EIF2B3: variants seen among roughly 807,000 people sequenced by gnomAD.
EIF2B3 encodes the protein translation initiation factor eIF2B subunit gamma.
Under a neutral mutation model 54.1 loss-of-function variants are expected in EIF2B3, and 20 were observed. The observed-to-expected ratio is 0.37, with a 90% CI of 0.26 to 0.54. The LOEUF (loss-of-function observed/expected upper bound fraction) is 0.54, where lower values mean the gene tolerates loss of function less well. Ranked by LOEUF, EIF2B3 falls within the 20% of genes least tolerant of loss-of-function variation. The pLI, the probability that EIF2B3 is intolerant of heterozygous loss-of-function variation, is 0.86. For missense variants in EIF2B3, 448 were observed against 547.8 expected, an observed-to-expected ratio of 0.82 and a Z score of 1.82; for synonymous variants, 153 against 188.1, an observed-to-expected ratio of 0.81 and a Z score of 1.52.
chr1:44,928,740 GATTATA>G, intron 4 of EIF2B3, among the ~76,000 whole-genome samples: 1 of 152,086 alleles, frequency 6.6e-6, no homozygotes, highest in Admixed American at 6.6e-5. Flanking sequence ...TCCCCGACTA[GATTATA>G]AACTTTTCAA....
At chr1:44,912,228 CATGT>C (rs1234218828) in intron 5 of EIF2B3, among the ~76,000 whole-genome samples, 1 of 152,190 alleles carries the variant, frequency 6.6e-6, no homozygotes, top group Non-Finnish European at 1.5e-5. Context: ...TTGATGGATG[CATGT>C]GAGTCAGGAC....
In EIF2B3 at chr1:44,866,558, ATT is replaced by A. The variant is rs751796128; in HGVS notation, c.1202+8118_1202+8119del. Among the ~76,000 whole-genome samples the A allele has an allele frequency of 5.0e-3, 720 of 144,094 alleles. 2 individuals carry two copies. The highest frequency in any genetic ancestry group is 7.4e-3 in the Non-Finnish European group (483 of 65,232). The allele number at this position is 144,094 out of a possible 152,430, so 94.5% of individuals were successfully genotyped here. A position where few individuals can be genotyped will look rare whatever the true frequency, so the allele number is the denominator to read the frequency against. On this transcript the variant is annotated intron_variant, in intron 10 of 11. Transcript: ENST00000360403. ...GGGAAAATAGTTTATGGCTATGACA[ATT>A]TTTTTTTTTTTTTAGATGGAGTCTC... is the stretch of plus-strand genomic sequence containing the variant.
intron 3 of EIF2B3, among the ~76,000 whole-genome samples, chr1:44,965,702 T>C (rs2148956862): frequency 6.9e-6 from 1 of 144,506 alleles, no homozygotes; most frequent in Admixed American, 7.3e-5. Flanking sequence ...TGCAGTGGCA[T>C]GATCTCAGCT....
chr1:44,976,713 A>C (rs263988), intron 3 of EIF2B3, among the ~76,000 whole-genome samples: 47,116 of 152,124 alleles, frequency 0.31, 8,158 homozygotes, highest in African/African-American at 0.45. Flanking sequence ...GAATACTACT[A>C]AGCATGAAAA....
intron 8 of EIF2B3, among the ~76,000 whole-genome samples, chr1:44,877,220 A>AAAAAAAAAAC (rs1557666602): frequency 6.7e-6 from 1 of 148,472 alleles, no homozygotes; most frequent in Admixed American, 6.8e-5. Flanking sequence ...AAAAAAAAAA[A>AAAAAAAAAAC]AACACCTTAG....
chr1:44,874,968 G>A, intron 9 of EIF2B3, 142 bp from the exon 10 acceptor site: 1 of 1,056,782 alleles, frequency 9.5e-7, no homozygotes, highest in Non-Finnish European at 1.4e-6. Flanking sequence ...ATTTCTCAGG[G>A]CCACAAGGTC....
chr1:44,908,415 A>C (rs1347658656), intron 5 of EIF2B3, among the ~76,000 whole-genome samples: 1 of 152,244 alleles, frequency 6.6e-6, no homozygotes, highest in Admixed American at 6.5e-5. Context: ...ATGATATTTG[A>C]GCTGAGTCTT....
intron 6 of EIF2B3, among the ~76,000 whole-genome samples, chr1:44,885,901 ATTTTTTTT>A (rs57544990): frequency 1.5e-5 from 2 of 133,210 alleles, no homozygotes; most frequent in African/African-American, 2.9e-5. Context: ...CGCTTGGCTA[ATTTTTTTT>A]TTTTTTTTTG....
chr1:44,858,109 GC>G (rs1363658176), intron 10 of EIF2B3, among the ~76,000 whole-genome samples: 1 of 142,038 alleles, frequency 7.0e-6, no homozygotes, highest in Admixed American at 7.7e-5. Context: ...TCTCACTGTG[GC>G]CCTGGGGCTG....
intron 3 of EIF2B3, among the ~76,000 whole-genome samples, chr1:44,976,473 GC>G (rs1454251469): frequency 5.3e-5 from 8 of 152,310 alleles, no homozygotes; most frequent in South Asian, 2.1e-4. Context: ...AAGACGTGAA[GC>G]AAACGCAACT....
intron 5 of EIF2B3, among the ~76,000 whole-genome samples, chr1:44,901,581 C>G (rs1569665189): frequency 1.7e-5 from 2 of 115,594 alleles, no homozygotes; most frequent in East Asian, 5.9e-4. Context: ...TTTCTTGAGA[C>G]AGGGTCTTAC....
At chr1:44,951,339 C>T (rs1644158314) in intron 3 of EIF2B3, among the ~76,000 whole-genome samples, 1 of 152,110 alleles carries the variant, frequency 6.6e-6, no homozygotes, top group Admixed American at 6.5e-5. Flanking sequence ...GTCTGATCAC[C>T]ACCTTCTATT....
At chr1:44,875,293 G>A (rs552520103) in intron 9 of EIF2B3, among the ~76,000 whole-genome samples, 1 of 152,280 alleles carries the variant, frequency 6.6e-6, no homozygotes, top group East Asian at 1.9e-4. Context: ...GCCTCTACCT[G>A]GATTGGTTAC....
intron 5 of EIF2B3, among the ~76,000 whole-genome samples, chr1:44,911,282 C>A (rs892526222): frequency 6.6e-6 from 1 of 152,154 alleles, no homozygotes; most frequent in Non-Finnish European, 1.5e-5. Context: ...TTTATAACTA[C>A]ACACCAAAGA....
chr1:44,940,961 A>AC (rs1428639298), intron 4 of EIF2B3, among the ~76,000 whole-genome samples: 2 of 148,728 alleles, frequency 1.3e-5, no homozygotes, highest in African/African-American at 5.0e-5. Flanking sequence ...ATCTCGGCTC[A>AC]CTGCAACCTC....
At chr1:44,985,294 T>C (rs951208263) in intron 1 of EIF2B3, among the ~76,000 whole-genome samples, 2 of 152,214 alleles carry the variant, frequency 1.3e-5, no homozygotes, top group African/African-American at 4.8e-5. Context: ...TGAAGACAGC[T>C]CAAGAATCCT....
intron 3 of EIF2B3, 137 bp downstream of exon 3, chr1:44,978,178 T>C (rs975134750): frequency 3.1e-6 from 3 of 955,392 alleles, no homozygotes; most frequent in African/African-American, 1.6e-5. Flanking sequence ...TTGCAGTGAA[T>C]TGAGATCACA....
At chr1:44,924,087 C>A (rs1643805040) in intron 5 of EIF2B3, among the ~76,000 whole-genome samples, 1 of 151,794 alleles carries the variant, frequency 6.6e-6, no homozygotes, top group African/African-American at 2.4e-5. Flanking sequence ...ACTACAGGTG[C>A]CTGCCACCAC....
At chr1:44,918,467 G>A (rs1310460901) in intron 5 of EIF2B3, among the ~76,000 whole-genome samples, 1 of 151,062 alleles carries the variant, frequency 6.6e-6, no homozygotes, top group Non-Finnish European at 1.5e-5. Flanking sequence ...TTGGCTTACT[G>A]TAACCTCCGC....
Sources: allele counts gnomAD v4.1 joint callset (sites outside exome capture counted in the v4.1 genomes callset), GRCh38; gene constraint gnomAD v4.1.1; transcripts MANE v1.5; gene names NCBI Gene and HGNC (gene_info 2026-07-23, HGNC 2026-07-21).